GSE1: variants seen among roughly 807,000 people sequenced by gnomAD.
GSE1 encodes the protein Gse1 coiled-coil protein.
A neutral mutation model predicts 112.6 loss-of-function variants in GSE1; 32 were observed. That is an observed-to-expected ratio of 0.28 (90% CI 0.21 to 0.38). The LOEUF (loss-of-function observed/expected upper bound fraction) is 0.38. Among genes scored for constraint, GSE1 ranks in the 10% least tolerant of loss-of-function variants. The pLI is 1.00. For missense variants in GSE1, 2,348 were observed against 1,699.2 expected (o/e 1.38, Z -6.71); for synonymous variants, 1,115 against 735.6 (o/e 1.52, Z -8.35).
At chr16:85,566,628 C>T (rs1020738804) in intron 1 of GSE1, among the ~76,000 whole-genome samples, 17 of 152,230 alleles carry the variant, frequency 1.1e-4, no homozygotes, top group Non-Finnish European at 2.4e-4. Context: ...TGCCCCGAGG[C>T]CGATGGCACC....
At chr16:85,242,525 A>G (rs868682708) in intron 1 of GSE1, among the ~76,000 whole-genome samples, 3 of 152,236 alleles carry the variant, frequency 2.0e-5, no homozygotes, top group Non-Finnish European at 4.4e-5. Flanking sequence ...ATAGCAGCAC[A>G]GTGTGGACAG....
intron 2 of GSE1, among the ~76,000 whole-genome samples, chr16:85,376,917 C>T (rs1206678590): frequency 2.0e-5 from 3 of 152,232 alleles, no homozygotes; most frequent in East Asian, 1.9e-4. Context: ...CACCCGGCCC[C>T]GCGTTACCCG....
chr16:85,639,912 C>G (rs746814497), intron 2 of GSE1, among the ~76,000 whole-genome samples: 1 of 152,172 alleles, frequency 6.6e-6, no homozygotes, highest in Non-Finnish European at 1.5e-5. Flanking sequence ...CCTTGCGTGT[C>G]CTCAGCTGCT....
chr16:85,400,379 C>A (rs2048074241), intron 2 of GSE1, among the ~76,000 whole-genome samples: 1 of 149,810 alleles, frequency 6.7e-6, no homozygotes, highest in Non-Finnish European at 1.5e-5. Context: ...TCGTGTATGT[C>A]TGTATGTGTA....
rs564492781 is a variant in GSE1, at chr16:85,208,608, G to A, written c.2283+36801G>A. On this transcript the variant is annotated intron_variant, in intron 1 of 2. Transcript: ENST00000637419. ...AAACTCTGTGAAGGACCAGATTGTA[G>A]ATACCTTAGGCTTTGCGGGCCACTT... is the stretch of plus-strand genomic sequence containing the variant. Among the ~76,000 whole-genome samples, 5 of 151,936 alleles carry A rather than the reference G, an allele frequency of 3.3e-5. No individual in the cohort carries two copies. In the South Asian group the frequency reaches 1.0e-3, roughly 32 times the overall value.
Position 85,547,878 on chromosome 16 carries a change from CA to C in GSE1, c.2465-86017del, listed in dbSNP as rs755865916. On this transcript the variant is annotated intron_variant, in intron 2 of 2. Coordinates refer to the GSE1 transcript ENST00000637419. ...TGGGTGACAGAATGAGTCTCTGTCTCAAAAAAAAAAAAAAAAAAATCAGTGT... is the reference window on the plus strand; with the variant it reads ...TGGGTGACAGAATGAGTCTCTGTCTCAAAAAAAAAAAAAAAAAATCAGTGT... 7.2e-3 allele frequency among the ~76,000 whole-genome samples: 667 copies of C among 92,232 alleles called. 4 individuals carry two copies. The highest frequency in any genetic ancestry group is 0.034 in the East Asian group (103 of 3,054). The allele number at this position is 92,232 out of a possible 152,430, so 60.5% of individuals were successfully genotyped here.
chr16:85,275,021 T>G (rs1233109002), intron 1 of GSE1, among the ~76,000 whole-genome samples: 1 of 152,212 alleles, frequency 6.6e-6, no homozygotes, highest in African/African-American at 2.4e-5. Flanking sequence ...CCTTGGTGGC[T>G]GGTGCCTAGA....
chr16:85,582,773 CT>C (rs1215692884), intron 1 of GSE1, among the ~76,000 whole-genome samples: 1 of 152,196 alleles, frequency 6.6e-6, no homozygotes, highest in East Asian at 1.9e-4. Context: ...CTTTTCACCC[CT>C]GAGAGCCTGT....
chr16:85,360,567 C>T (rs577487037), intron 2 of GSE1, among the ~76,000 whole-genome samples: 1 of 152,294 alleles, frequency 6.6e-6, no homozygotes, highest in South Asian at 2.1e-4. Context: ...TGCCACCTCT[C>T]ATCCGGCAGG....
chr16:85,246,595 C>G (rs1251716796), intron 1 of GSE1, among the ~76,000 whole-genome samples: 1 of 151,082 alleles, frequency 6.6e-6, no homozygotes, highest in Non-Finnish European at 1.5e-5. Context: ...TTATCCCCGG[C>G]CCTGGAGGAG....
intron 1 of GSE1, among the ~76,000 whole-genome samples, chr16:85,238,674 G>C (rs757655271): frequency 3.3e-5 from 5 of 152,202 alleles, no homozygotes; most frequent in Middle Eastern, 3.2e-3. Flanking sequence ...GCGGCTTGCC[G>C]CAGGATCTCC....
chr16:85,457,037 T>G (rs889046096), intron 2 of GSE1, among the ~76,000 whole-genome samples: 2 of 152,142 alleles, frequency 1.3e-5, no homozygotes, highest in Non-Finnish European at 2.9e-5. Flanking sequence ...TTCTGATAAA[T>G]GAACCTCAGC....
intron 2 of GSE1, among the ~76,000 whole-genome samples, chr16:85,524,989 A>G (rs2052316939): frequency 6.6e-6 from 1 of 152,124 alleles, no homozygotes; most frequent in South Asian, 2.1e-4. Flanking sequence ...CCCTTTCCCC[A>G]AACAAACAAC....
At chr16:85,648,867 C>T (rs2051100890) in intron 3 of GSE1, 116 bp downstream of exon 3, 2 of 555,814 alleles carry the variant, frequency 3.6e-6, no homozygotes, top group South Asian at 2.6e-5. Context: ...CACCCCCTCC[C>T]CCACCCTGAG....
intron 2 of GSE1, among the ~76,000 whole-genome samples, chr16:85,499,212 G>C (rs912359639): frequency 2.0e-5 from 3 of 151,544 alleles, no homozygotes; most frequent in African/African-American, 7.3e-5. Flanking sequence ...GAAGCTCATA[G>C]GATCTGCGGC....
chr16:85,654,831 A>G lies in GSE1; in HGVS notation c.637A>G (p.Thr213Ala). 1 of 1,611,548 alleles carries G rather than the reference A, an allele frequency of 6.2e-7. No individual in the cohort carries two copies. The highest frequency in any genetic ancestry group is 8.5e-7 in the Non-Finnish European group (1 of 1,179,486). ...CGTGCACCACGTGGTGCCCCCCAGT[A>G]CCGTGACCGAGGACTACCTGAGAAG... ...RPVHHVVPPS[T>A]VTEDYLRSFR... The change falls in exon 5 of 16, where the codon ACC becomes GCC. Residue 213 changes from threonine (T) to alanine (A), a missense_variant. Thr to Ala is a moderately conservative substitution (Grantham distance 58). Transcript: ENST00000253458.
At chr16:85,507,984 C>T (rs758239635) in intron 2 of GSE1, among the ~76,000 whole-genome samples, 16 of 152,106 alleles carry the variant, frequency 1.1e-4, no homozygotes, top group Non-Finnish European at 1.3e-4. Context: ...CCCAGAAGCC[C>T]CCTGTGGCCC....
chr16:85,632,775 G>A lies in GSE1; in HGVS notation c.8-1139G>A, dbSNP rs115192690. 1.6e-3 allele frequency among the ~76,000 whole-genome samples: 238 copies of A among 151,858 alleles called. 1 individual carries two copies. Among genetic ancestry groups the A allele is most frequent in the African/African-American group, 5.3e-3 (218 of 41,388 alleles). ...CAGCCCCACCATGTGTGGCCCCAGC[G>A]CCCCCCCGCCCCAAGATGCATCCAC... On this transcript the variant is annotated intron_variant, in intron 1 of 15. Coordinates refer to ENST00000253458, the MANE Select transcript of GSE1 (RefSeq NM_014615.5).
At chr16:85,481,343 C>G (rs932987296) in intron 2 of GSE1, among the ~76,000 whole-genome samples, 16 of 152,308 alleles carry the variant, frequency 1.1e-4, no homozygotes, top group African/African-American at 3.6e-4. Context: ...GAGCTTGTAC[C>G]AGGCTCAGAG....
Sources: gnomAD v4.1 joint callset for allele counts (sites outside exome capture counted in the v4.1 genomes callset) on GRCh38, gnomAD v4.1.1 for gene constraint, MANE v1.5 for transcripts, NCBI Gene and HGNC (gene_info 2026-07-23, HGNC 2026-07-21) for gene names.